Variants in PTK2 observed in about 807,000 individuals in gnomAD.
PTK2 encodes focal adhesion kinase 1.
A neutral mutation model predicts 150.1 loss-of-function variants in PTK2; 45 were observed. That is an observed-to-expected ratio of 0.30 (90% CI 0.24 to 0.38). The LOEUF is 0.38. PTK2 is among the 10% of genes least tolerant of loss of function. The pLI is 1.00. For missense variants in PTK2, 919 were observed against 1,307.3 expected (o/e 0.70, Z 4.58); for synonymous variants, 432 against 449.2 (o/e 0.96, Z 0.48).
chr8:140,939,034 C>T (rs905363419), intron 1 of PTK2, among the ~76,000 whole-genome samples: 6 of 151,610 alleles, frequency 4.0e-5, no homozygotes, highest in African/African-American at 1.5e-4. Flanking sequence ...ACCCTGCTTT[C>T]CTCCCCTCTT....
At chr8:140,683,124 G>T (rs2100017976) in intron 27 of PTK2, among the ~76,000 whole-genome samples, 1 of 152,024 alleles carries the variant, frequency 6.6e-6, no homozygotes, top group Non-Finnish European at 1.5e-5. Flanking sequence ...ATTAAAAAAA[G>T]AGAGAAGATC....
intron 14 of PTK2, among the ~76,000 whole-genome samples, chr8:140,775,293 C>T (rs970417642): frequency 9.9e-5 from 15 of 152,036 alleles, no homozygotes; most frequent in Non-Finnish European, 1.5e-5. Flanking sequence ...GGAGACCAGC[C>T]TGGGAAACAT....
intron 7 of PTK2, among the ~76,000 whole-genome samples, chr8:140,840,398 T>C (rs1239306047): frequency 1.3e-5 from 2 of 151,366 alleles, no homozygotes; most frequent in Admixed American, 1.3e-4. Flanking sequence ...AAGCCAAAAA[T>C]AATAACTGTA....
chr8:140,812,179 A>G (rs2100101975), intron 10 of PTK2, among the ~76,000 whole-genome samples: 1 of 152,232 alleles, frequency 6.6e-6, no homozygotes, highest in African/African-American at 2.4e-5. Flanking sequence ...CTGCAAAGGA[A>G]GGCCCATCAG....
chr8:140,971,649 A>G lies in PTK2; in HGVS notation c.-122+29476T>C, dbSNP rs186726067. Among the ~76,000 whole-genome samples the G allele has an allele frequency of 2.3e-3, 343 of 152,360 alleles. 4 individuals carry two copies. The highest frequency in any genetic ancestry group is 1.3e-3 in the East Asian group (7 of 5,192). Reference sequence around the variant, plus strand: ...AAAACAGTACTTATATGAGGAATTTATACTGTAGTAAAGTCATTTCAATGA... The same window carrying G: ...AAAACAGTACTTATATGAGGAATTTGTACTGTAGTAAAGTCATTTCAATGA... On this transcript the variant is annotated intron_variant, in intron 1 of 31. Transcript: ENST00000522684.
chr8:140,864,407 T>G lies in PTK2; in HGVS notation c.363-8A>C. ...CGAATTCTCAATTCATATCTAAAAA[T>G]AATTCACAAAACAGAACAATTAGAA... On this transcript the variant is annotated splice_region_variant and splice_polypyrimidine_tract_variant and intron_variant, in intron 4 of 31. Coordinates refer to ENST00000522684, the Ensembl canonical transcript of PTK2. 1.3e-6 allele frequency: 2 copies of G among 1,490,592 alleles called. No individual in the cohort carries two copies. The highest frequency in any genetic ancestry group is 1.9e-6 in the Non-Finnish European group (2 of 1,080,418). 92.3% of individuals were successfully genotyped at this position (1,490,592 alleles called of 1,614,324 possible). A position where few individuals can be genotyped will look rare whatever the true frequency, so the allele number is the denominator to read the frequency against.
At chr8:140,781,701 C>G (rs545720354) in intron 14 of PTK2, among the ~76,000 whole-genome samples, 1 of 152,344 alleles carries the variant, frequency 6.6e-6, no homozygotes, top group African/African-American at 2.4e-5. Flanking sequence ...GCACTGTCTG[C>G]ACTGCCTGCA....
chr8:140,679,374 ACT>A lies in PTK2; in HGVS notation c.2563-3877_2563-3876del, dbSNP rs540161357. ...AAATACAAAGAACTTTCTGGTTGATACTCGGGTAACAAGAAAGTTTAATGAAC... is the reference window on the plus strand; with the variant it reads ...AAATACAAAGAACTTTCTGGTTGATACGGGTAACAAGAAAGTTTAATGAAC... On this transcript the variant is annotated intron_variant, in intron 27 of 31. Coordinates refer to ENST00000522684, the Ensembl canonical transcript of PTK2. Among the ~76,000 whole-genome samples, 104 of 152,114 alleles carry A rather than the reference ACT, an allele frequency of 6.8e-4. 1 individual carries two copies. The highest frequency in any genetic ancestry group is 2.1e-3 in the African/African-American group (89 of 41,494).
chr8:140,949,150 C>T (rs35336467), intron 1 of PTK2, among the ~76,000 whole-genome samples: 2,603 of 152,188 alleles, frequency 0.017, 42 homozygotes, highest in Non-Finnish European at 0.028. Flanking sequence ...TTCTATATTT[C>T]TTAATATTTC....
At chr8:140,935,519 T>C (rs2100173293) in intron 1 of PTK2, among the ~76,000 whole-genome samples, 1 of 152,060 alleles carries the variant, frequency 6.6e-6, no homozygotes, top group Non-Finnish European at 1.5e-5. Flanking sequence ...CGCCTGAATA[T>C]AAACGGGGTT....
At chr8:140,786,125 C>T (rs773079716) in intron 14 of PTK2, among the ~76,000 whole-genome samples, 4 of 152,096 alleles carry the variant, frequency 2.6e-5, no homozygotes, top group Admixed American at 1.3e-4. Flanking sequence ...ATCTGTTGGC[C>T]GGATTAATGT....
At chr8:140,727,921 C>T (rs371822422) in intron 22 of PTK2, among the ~76,000 whole-genome samples, 8 of 152,124 alleles carry the variant, frequency 5.3e-5, no homozygotes, top group East Asian at 1.9e-4. Context: ...GACGGCCGGG[C>T]GCGGTGGCTC....
At chr8:140,842,084 C>G (rs1207165737) in intron 7 of PTK2, among the ~76,000 whole-genome samples, 2 of 151,944 alleles carry the variant, frequency 1.3e-5, no homozygotes, top group Admixed American at 6.5e-5. Flanking sequence ...TAGGATTATT[C>G]CACTTATATT....
At chr8:140,672,089 G>A in intron 29 of PTK2, 2 of 437,838 alleles carry the variant, frequency 4.6e-6, no homozygotes, top group South Asian at 1.6e-5. Context: ...ATTCTAAGGT[G>A]GTACCGATCT....
At chr8:140,867,521 A>G (rs1229234842) in intron 4 of PTK2, among the ~76,000 whole-genome samples, 1 of 152,226 alleles carries the variant, frequency 6.6e-6, no homozygotes, top group African/African-American at 2.4e-5. Flanking sequence ...ATGTGAAGTT[A>G]GACAAGGCCT....
At chr8:140,691,205 G>C (rs1398501374) in intron 26 of PTK2, among the ~76,000 whole-genome samples, 1 of 144,868 alleles carries the variant, frequency 6.9e-6, no homozygotes. Context: ...GGGGGTGGGG[G>C]GTCTCACTAT....
chr8:140,972,296 A>G lies in PTK2; in HGVS notation c.-122+28829T>C, dbSNP rs555698359. On this transcript the variant is annotated intron_variant, in intron 1 of 31. Coordinates refer to ENST00000522684, the Ensembl canonical transcript of PTK2. ...GTTAATTTTTTTTAGATGGAGTCTC[A>G]TTCTGTCACCCAGGCTGGAGTACAG... Among the ~76,000 whole-genome samples the G allele has an allele frequency of 2.0e-5, 3 of 152,106 alleles. No homozygotes were observed. In the South Asian group the frequency reaches 6.2e-4, roughly 32 times the overall value.
intron 7 of PTK2, among the ~76,000 whole-genome samples, chr8:140,845,739 A>T (rs1210362899): frequency 6.6e-6 from 1 of 152,156 alleles, no homozygotes; most frequent in Non-Finnish European, 1.5e-5. Context: ...TAATTATGAA[A>T]AAGATGAAGT....
intron 8 of PTK2, 26 bp from the exon 9 acceptor site, chr8:140,819,046 C>T: frequency 6.2e-7 from 1 of 1,606,514 alleles, no homozygotes; most frequent in Non-Finnish European, 8.5e-7. Context: ...ACCAAAACAT[C>T]TTGTAAAAAT....
Sources: allele counts gnomAD v4.1 joint callset (sites outside exome capture counted in the v4.1 genomes callset), GRCh38; gene constraint gnomAD v4.1.1; transcripts MANE v1.5; gene names NCBI Gene and HGNC (gene_info 2026-07-23, HGNC 2026-07-21).